The following NSD2 variants were observed in gnomAD, a reference collection of about 807,000 sequenced individuals.
The protein encoded by NSD2 is nuclear receptor binding SET domain protein 2.
NSD2 carries 12 observed loss-of-function variants against 139.0 expected under a neutral mutation model. The ratio of observed to expected loss-of-function variants is 0.09; its 90% CI spans 0.06 to 0.14. The LOEUF (loss-of-function observed/expected upper bound fraction) is 0.14, where lower values mean the gene tolerates loss of function less well. Ranked by LOEUF, NSD2 falls within the 10% of genes least tolerant of loss-of-function variation. The pLI, the probability that NSD2 is intolerant of heterozygous loss-of-function variation, is 1.00. For missense variants in NSD2, 1,155 were observed against 1,745.0 expected (o/e 0.66, Z 6.02); for synonymous variants, 669 against 648.7 (o/e 1.03, Z -0.48).
At chr4:1,967,253 A>C (rs945995775) in intron 18 of NSD2, among the ~76,000 whole-genome samples, 1 of 152,256 alleles carries the variant, frequency 6.6e-6, no homozygotes, top group Admixed American at 6.5e-5. Flanking sequence ...GAATAGACTT[A>C]TAACTAGTAG....
intron 3 of NSD2, among the ~76,000 whole-genome samples, chr4:1,906,654 CTTTTTTTTTTT>C (rs537619996): frequency 4.0e-5 from 4 of 99,910 alleles, no homozygotes; most frequent in Admixed American, 1.2e-4. Flanking sequence ...CTCTCTCTCT[CTTTTTTTTTTT>C]TTTTTTTTTT....
In NSD2 at chr4:1,918,432, A is replaced by G; in HGVS notation, c.1219A>G (p.Ser407Gly). 6.2e-7 allele frequency: 1 copy of G among 1,614,152 alleles called. No homozygotes were observed. The highest frequency in any genetic ancestry group is 8.5e-7 in the Non-Finnish European group (1 of 1,180,040). The change falls in exon 5 of 22, where the codon AGC becomes GGC. Residue 407 changes from serine to glycine, a missense_variant. By Grantham distance (56) the Ser-to-Gly change is moderately conservative (BLOSUM62 0). Transcript: ENST00000508803. ...MKRRRRAKLC[S>G]SAETLESHPD... ...GAGAAGGCGGAGGGCCAAACTGTGT[A>G]GCTCTGCAGAGACCCTGGAGAGTCA...
At chr4:1,881,553 G>A (rs770283325) in intron 1 of NSD2, among the ~76,000 whole-genome samples, 2 of 152,002 alleles carry the variant, frequency 1.3e-5, no homozygotes, top group Non-Finnish European at 2.9e-5. Context: ...GTGAGCCACC[G>A]TGCCTGGCTT....
chr4:1,953,079 C>A, intron 11 of NSD2: 4 of 1,477,706 alleles, frequency 2.7e-6, no homozygotes, highest in Non-Finnish European at 2.7e-6. Flanking sequence ...AGCCAGGCTG[C>A]CTAGTAAGAT....
intron 1 of NSD2, among the ~76,000 whole-genome samples, chr4:1,895,546 C>CT (rs954901254): frequency 1.1e-4 from 17 of 150,614 alleles, no homozygotes; most frequent in South Asian, 4.2e-4. Flanking sequence ...AATACCAATA[C>CT]TTTTTTTTTT....
At chr4:1,904,444 CTTCT>C in intron 3 of NSD2, 66 bp downstream of exon 3, 1 of 1,508,308 alleles carries the variant, frequency 6.6e-7, no homozygotes, top group Non-Finnish European at 9.0e-7. Context: ...CATCTCCAGG[CTTCT>C]TTCTTACTCT....
At chr4:1,933,588 G>A (rs1721944263) in intron 6 of NSD2, among the ~76,000 whole-genome samples, 1 of 151,906 alleles carries the variant, frequency 6.6e-6, no homozygotes. Context: ...TAGAGACGGG[G>A]TTTCACTCTG....
intron 4 of NSD2, among the ~76,000 whole-genome samples, 154 bp from the exon 5 acceptor site, chr4:1,917,987 A>C (rs549017392): frequency 1.3e-5 from 2 of 151,296 alleles, no homozygotes; most frequent in African/African-American, 2.4e-5. Flanking sequence ...TGCCATGTTG[A>C]CCAGGCTGGT....
chr4:1,883,057 A>C (rs1714818972), intron 1 of NSD2, among the ~76,000 whole-genome samples: 1 of 152,066 alleles, frequency 6.6e-6, no homozygotes. Flanking sequence ...AGGCCTCTGG[A>C]GTAAAATTGA....
chr4:1,971,756 C>G (rs1241019506), intron 18 of NSD2, among the ~76,000 whole-genome samples: 3 of 152,096 alleles, frequency 2.0e-5, no homozygotes, highest in African/African-American at 7.2e-5. Context: ...GGGGTTTACC[C>G]CAGGACTGCA....
chr4:1,940,382 CA>C, intron 9 of NSD2: 1 of 1,063,714 alleles, frequency 9.4e-7, no homozygotes, highest in Non-Finnish European at 1.1e-6. Flanking sequence ...TACATGATAG[CA>C]AAATAAAGCC....
intron 1 of NSD2, among the ~76,000 whole-genome samples, chr4:1,897,544 C>T (rs1716527323): frequency 6.6e-6 from 1 of 152,134 alleles, no homozygotes; most frequent in Non-Finnish European, 1.5e-5. Flanking sequence ...GTAATGCCAG[C>T]ACTTTGGGAA....
chr4:1,905,547 C>T (rs1717781927), intron 3 of NSD2, among the ~76,000 whole-genome samples: 1 of 152,256 alleles, frequency 6.6e-6, no homozygotes, highest in Admixed American at 6.5e-5. Context: ...TTTGTACTGC[C>T]ACCTGCATGG....
In NSD2 at chr4:1,975,281, C is replaced by CCTCTT; in HGVS notation, c.3515-9_3515-5dup. On this transcript the variant is annotated splice_polypyrimidine_tract_variant and intron_variant, in intron 19 of 21. Transcript: ENST00000508803. ...GGTGTTTCCAATTTGGTGTCTGTCT[C>CCTCTT]CTCTTCTCCCAGGGACGGAGCTGAC... is the stretch of plus-strand genomic sequence containing the variant. 1 of 1,613,524 alleles carries CCTCTT rather than the reference C, an allele frequency of 6.2e-7. No homozygotes were observed. Among genetic ancestry groups the CCTCTT allele is most frequent in the Non-Finnish European group, 8.5e-7 (1 of 1,179,516 alleles).
intron 18 of NSD2, among the ~76,000 whole-genome samples, chr4:1,969,102 A>G (rs1726173406): frequency 6.6e-6 from 1 of 152,248 alleles, no homozygotes; most frequent in Non-Finnish European, 1.5e-5. Flanking sequence ...CCTGGCAGGC[A>G]GAGCCAGCAC....
At position 1,980,126 on chromosome 4, in the gene NSD2, G is replaced by A. The variant is rs377181472; in HGVS notation, c.*1217G>A. 4 of 233,420 alleles carry A rather than the reference G, an allele frequency of 1.7e-5. No individual in the cohort carries two copies. The highest frequency in any genetic ancestry group is 1.8e-4 in the South Asian group (1 of 5,532). 14.5% of individuals were successfully genotyped at this position (233,420 alleles called of 1,614,324 possible). On this transcript the variant is annotated 3_prime_UTR_variant, in exon 22 of 22. Transcript: ENST00000508803. ...GTGGAGGCCTGCCTGGCAGGTGTGCGTGCCTCGTACGTGTGTTATGGGCAC... is the reference window on the plus strand; with the variant it reads ...GTGGAGGCCTGCCTGGCAGGTGTGCATGCCTCGTACGTGTGTTATGGGCAC...
chr4:1,876,964 C>T (rs1354778019), intron 1 of NSD2, among the ~76,000 whole-genome samples: 4 of 151,842 alleles, frequency 2.6e-5, no homozygotes, highest in East Asian at 3.9e-4. Context: ...GGTGAAACCC[C>T]GTCTCTACTA....
intron 1 of NSD2, among the ~76,000 whole-genome samples, chr4:1,882,048 A>G (rs1489456139): frequency 6.6e-6 from 1 of 152,332 alleles, no homozygotes; most frequent in East Asian, 1.9e-4. Context: ...GTGTGACATG[A>G]ATCTATTTGC....
chr4:1,945,937 A>C, intron 9 of NSD2: 10 of 1,055,222 alleles, frequency 9.5e-6, no homozygotes, highest in Non-Finnish European at 1.1e-5. Context: ...AGCCCTTTTA[A>C]ATTTTTAATT....
Sources: allele counts gnomAD v4.1 joint callset (sites outside exome capture counted in the v4.1 genomes callset), GRCh38; gene constraint gnomAD v4.1.1; transcripts MANE v1.5; gene names NCBI Gene and HGNC (gene_info 2026-07-23, HGNC 2026-07-21).